The following NIM1K variants were observed in gnomAD, a reference collection of about 807,000 sequenced individuals.
NIM1K encodes NIM1 serine/threonine protein kinase, also known as serine/threonine-protein kinase NIM1.
In NIM1K, 35 loss-of-function variants were observed where a neutral mutation model predicts 37.1. That is an observed-to-expected ratio of 0.94 (90% CI 0.72 to 1.25). The LOEUF (loss-of-function observed/expected upper bound fraction) is 1.25, where lower values mean the gene tolerates loss of function less well. NIM1K is among the 50% of genes most tolerant of loss of function. The pLI is 0.00. For missense variants in NIM1K, 564 were observed against 548.0 expected (o/e 1.03, Z -0.29); for synonymous variants, 234 against 206.6 (o/e 1.13, Z -1.14).
chr5:43,213,632 T>C (rs1752253404), intron 1 of NIM1K, among the ~76,000 whole-genome samples: 1 of 152,224 alleles, frequency 6.6e-6, no homozygotes, highest in African/African-American at 2.4e-5. Flanking sequence ...TAGCTGGGAT[T>C]ACAGGTGCCT....
chr5:43,229,265 A>T (rs1561080089), intron 1 of NIM1K, among the ~76,000 whole-genome samples: 1 of 151,688 alleles, frequency 6.6e-6, no homozygotes, highest in Non-Finnish European at 1.5e-5. Flanking sequence ...GGAGCCTGTA[A>T]TCGCAGGTAC....
intron 2 of NIM1K, among the ~76,000 whole-genome samples, chr5:43,263,528 C>G (rs1428923808): frequency 6.6e-6 from 1 of 150,894 alleles, no homozygotes; most frequent in African/African-American, 2.4e-5. Context: ...TGCTAGCAGT[C>G]TATCAATTTT....
chr5:43,261,459 GT>G (rs1317624676), intron 2 of NIM1K, among the ~76,000 whole-genome samples: 2 of 151,812 alleles, frequency 1.3e-5, no homozygotes, highest in East Asian at 1.9e-4. Context: ...GCGGTTGCTT[GT>G]TTTTTTTCTT....
At chr5:43,239,589 C>G (rs986924392) in intron 1 of NIM1K, among the ~76,000 whole-genome samples, 3 of 151,926 alleles carry the variant, frequency 2.0e-5, no homozygotes, top group African/African-American at 7.3e-5. Flanking sequence ...TACAATGGCG[C>G]AATCTTGGCT....
chr5:43,240,780 A>G (rs1579974558), intron 1 of NIM1K, among the ~76,000 whole-genome samples: 1 of 151,350 alleles, frequency 6.6e-6, no homozygotes, highest in African/African-American at 2.4e-5. Context: ...CAAATGATCC[A>G]CCCACCTCAG....
intron 2 of NIM1K, among the ~76,000 whole-genome samples, chr5:43,276,360 C>T (rs1753340403): frequency 6.6e-6 from 1 of 152,222 alleles, no homozygotes; most frequent in African/African-American, 2.4e-5. Flanking sequence ...GTTGGGGGAA[C>T]ATGCCACAAG....
intron 1 of NIM1K, among the ~76,000 whole-genome samples, chr5:43,227,490 G>C (rs985394015): frequency 1.3e-5 from 2 of 152,218 alleles, no homozygotes; most frequent in Non-Finnish European, 1.5e-5. Flanking sequence ...ATAGAACTGT[G>C]TAAAACTCTC....
At chr5:43,214,590 C>T (rs1376078444) in intron 1 of NIM1K, among the ~76,000 whole-genome samples, 4 of 151,364 alleles carry the variant, frequency 2.6e-5, no homozygotes, top group Non-Finnish European at 5.9e-5. Flanking sequence ...CCGAAGCGGG[C>T]GGATCACGAG....
At chr5:43,254,490 A>G (rs1400832286) in intron 2 of NIM1K, among the ~76,000 whole-genome samples, 5 of 152,370 alleles carry the variant, frequency 3.3e-5, no homozygotes, top group Admixed American at 2.0e-4. Context: ...ATACTATATC[A>G]CATTGATCCT....
chr5:43,264,780 A>G (rs1338621855), intron 2 of NIM1K, among the ~76,000 whole-genome samples: 1 of 152,154 alleles, frequency 6.6e-6, no homozygotes, highest in Non-Finnish European at 1.5e-5. Context: ...TTCCATGTTT[A>G]GTGCTTCCTT....
At position 43,280,366 on chromosome 5, in the gene NIM1K, C is replaced by T. The variant is rs267600643; in HGVS notation, c.948C>T (p.Ile316=). The change falls in exon 4 of 4, where the codon ATC becomes ATT. Residue 316 remains isoleucine (I), a synonymous_variant. Transcript: ENST00000326035. ...AGATCCCCACGGAGAGGTACGGAAT[C>T]GACTGCATCATGAATGATGAATGGA... is the stretch of plus-strand genomic sequence containing the variant. ...LQQIPTERYG[I]DCIMNDEWMQ... is the part of the protein sequence containing the mutation. The T allele has an allele frequency of 6.2e-7, 1 of 1,614,160 alleles. No individual in the cohort carries two copies. Among genetic ancestry groups the T allele is most frequent in the East Asian group, 2.2e-5 (1 of 44,866 alleles).
At chr5:43,199,189 C>CAAAA (rs1368419224) in intron 1 of NIM1K, among the ~76,000 whole-genome samples, 2 of 9,824 alleles carry the variant, frequency 2.0e-4, no homozygotes, top group African/African-American at 4.3e-4. Context: ...GCTCTGTCTC[C>CAAAA]AAAAAAAAAA....
intron 2 of NIM1K, among the ~76,000 whole-genome samples, chr5:43,248,530 G>A (rs1470643667): frequency 6.6e-6 from 1 of 152,160 alleles, no homozygotes; most frequent in Non-Finnish European, 1.5e-5. Context: ...ATAGAAAAGA[G>A]GAGGGAGCTG....
At chr5:43,219,046 C>A (rs1752347054) in intron 1 of NIM1K, among the ~76,000 whole-genome samples, 1 of 152,078 alleles carries the variant, frequency 6.6e-6, no homozygotes, top group African/African-American at 2.4e-5. Flanking sequence ...TTATAAGGGG[C>A]TTTTCCCGCT....
chr5:43,272,238 A>G (rs1753268691), intron 2 of NIM1K, among the ~76,000 whole-genome samples: 1 of 152,134 alleles, frequency 6.6e-6, no homozygotes, highest in South Asian at 2.1e-4. Context: ...TGTCCTACCC[A>G]TCCCTACTTT....
intron 2 of NIM1K, among the ~76,000 whole-genome samples, chr5:43,276,454 C>T (rs1753341918): frequency 1.3e-5 from 2 of 152,266 alleles, no homozygotes; most frequent in Non-Finnish European, 2.9e-5. Flanking sequence ...CCAAGCCATT[C>T]ATGAGACATC....
intron 1 of NIM1K, among the ~76,000 whole-genome samples, chr5:43,226,554 A>T (rs1402720574): frequency 3.9e-5 from 6 of 152,226 alleles, no homozygotes; most frequent in African/African-American, 1.4e-4. Context: ...GGAGAAGAAA[A>T]TCAGAAGTTT....
intron 1 of NIM1K, among the ~76,000 whole-genome samples, chr5:43,228,044 G>C (rs1406771262): frequency 6.6e-6 from 1 of 152,044 alleles, no homozygotes; most frequent in Non-Finnish European, 1.5e-5. Context: ...GACCTCACTT[G>C]GTTGTTTAAT....
chr5:43,206,736 T>C (rs1386867536), intron 1 of NIM1K: 3 of 740,440 alleles, frequency 4.1e-6, no homozygotes, highest in Admixed American at 1.8e-5. Context: ...CACACTTGAC[T>C]TCATGCTTGG....
Sources: allele counts gnomAD v4.1 joint callset (sites outside exome capture counted in the v4.1 genomes callset), GRCh38; gene constraint gnomAD v4.1.1; transcripts MANE v1.5; gene names NCBI Gene and HGNC (gene_info 2026-07-23, HGNC 2026-07-21).